The following KCND2 variants were observed in gnomAD, a reference collection of about 807,000 sequenced individuals.
The protein encoded by KCND2 is A-type voltage-gated potassium channel KCND2.
Under a neutral mutation model 54.4 loss-of-function variants are expected in KCND2, and 16 were observed. The ratio of observed to expected loss-of-function variants is 0.29; its 90% CI spans 0.20 to 0.45. The LOEUF is 0.45. Among genes scored for constraint, KCND2 ranks in the 20% least tolerant of loss-of-function variants. The pLI, the probability that KCND2 is intolerant of heterozygous loss-of-function variation, is 1.00. For missense variants in KCND2, 486 were observed against 824.2 expected, an observed-to-expected ratio of 0.59 and a Z score of 5.02; for synonymous variants, 317 against 310.7, an observed-to-expected ratio of 1.02 and a Z score of -0.21.
intron 1 of KCND2, among the ~76,000 whole-genome samples, chr7:120,456,743 C>T (rs966544983): frequency 2.0e-5 from 3 of 152,200 alleles, no homozygotes; most frequent in Admixed American, 1.3e-4. Context: ...CAAGATGTCA[C>T]TGGATCTACC....
intron 1 of KCND2, among the ~76,000 whole-genome samples, chr7:120,657,193 A>G (rs1001553998): frequency 1.3e-5 from 2 of 152,202 alleles, no homozygotes; most frequent in East Asian, 3.8e-4. Context: ...AGTTCCTTGC[A>G]TTCACACTGC....
At chr7:120,623,909 C>T (rs970985832) in intron 1 of KCND2, among the ~76,000 whole-genome samples, 11 of 151,956 alleles carry the variant, frequency 7.2e-5, no homozygotes, top group African/African-American at 2.7e-4. Context: ...ATGTTCAGGG[C>T]TTAATACAGC....
At chr7:120,281,307 C>G (rs1799257934) in intron 1 of KCND2, among the ~76,000 whole-genome samples, 1 of 151,658 alleles carries the variant, frequency 6.6e-6, no homozygotes, top group Admixed American at 6.6e-5. Context: ...GTTTTCTAAG[C>G]AGGGATACAC....
rs539100016 is a variant in KCND2, at chr7:120,488,147, A to G, written c.1115+212400A>G. Among the ~76,000 whole-genome samples the G allele has an allele frequency of 3.3e-5, 5 of 152,274 alleles. No individual in the cohort carries two copies. The South Asian group carries it at 8.3e-4, about 25-fold the overall frequency. ...GAGGTCGAGGCTGCAGTGAGCTGAG[A>G]TTGCACCACTGTACTCCAGCCTGGG... On this transcript the variant is annotated intron_variant, in intron 1 of 5. Transcript: ENST00000331113.
At chr7:120,529,676 A>G (rs1006748215) in intron 1 of KCND2, among the ~76,000 whole-genome samples, 24 of 152,214 alleles carry the variant, frequency 1.6e-4, no homozygotes, top group Admixed American at 1.5e-3. Context: ...ACTAAACAAA[A>G]TCCACAGCAG....
In KCND2 at chr7:120,629,466, A is replaced by T. The variant is rs373841321; in HGVS notation, c.1116-103437A>T. Among the ~76,000 whole-genome samples the T allele has an allele frequency of 6.6e-5, 10 of 152,212 alleles. No individual in the cohort carries two copies. In the South Asian group the frequency reaches 1.0e-3, roughly 16 times the overall value. On this transcript the variant is annotated intron_variant, in intron 1 of 5. Transcript: ENST00000331113. ...GTGCCACTGCACTCCATCCTGGGCGACAGAGCGAGACTCCGTCTCGGGGGT... is the reference window on the plus strand; with the variant it reads ...GTGCCACTGCACTCCATCCTGGGCGTCAGAGCGAGACTCCGTCTCGGGGGT...
chr7:120,418,149 C>T (rs1352745747), intron 1 of KCND2, among the ~76,000 whole-genome samples: 1 of 152,082 alleles, frequency 6.6e-6, no homozygotes, highest in Non-Finnish European at 1.5e-5. Flanking sequence ...CCATTTCATT[C>T]TAAATCCTAT....
At chr7:120,621,963 G>GT (rs1438508470) in intron 1 of KCND2, among the ~76,000 whole-genome samples, 4 of 151,536 alleles carry the variant, frequency 2.6e-5, no homozygotes, top group Non-Finnish European at 5.9e-5. Context: ...AAAAAAGAAG[G>GT]TTTTTTTGTT....
intron 1 of KCND2, among the ~76,000 whole-genome samples, chr7:120,700,690 A>G (rs1398913374): frequency 6.6e-6 from 1 of 152,228 alleles, no homozygotes; most frequent in African/African-American, 2.4e-5. Context: ...AAATGTTGAA[A>G]TCAATTCTTT....
intron 1 of KCND2, among the ~76,000 whole-genome samples, chr7:120,389,574 T>A (rs1276965364): frequency 2.0e-5 from 3 of 151,954 alleles, no homozygotes; most frequent in African/African-American, 7.2e-5. Context: ...CTTTCTATTC[T>A]GTTTCTATAT....
At chr7:120,382,905 C>T (rs187780051) in intron 1 of KCND2, among the ~76,000 whole-genome samples, 48 of 151,842 alleles carry the variant, frequency 3.2e-4, no homozygotes, top group African/African-American at 8.7e-4. Context: ...GTTCAGAGTT[C>T]GAAAATCAGC....
intron 1 of KCND2, among the ~76,000 whole-genome samples, chr7:120,634,687 T>TGAA (rs1793282386): frequency 6.6e-6 from 1 of 152,214 alleles, no homozygotes; most frequent in South Asian, 2.1e-4. Flanking sequence ...TATCCTCCAC[T>TGAA]GCACAGCCAA....
intron 1 of KCND2, among the ~76,000 whole-genome samples, chr7:120,419,452 T>C (rs536432159): frequency 6.6e-6 from 1 of 152,340 alleles, no homozygotes; most frequent in South Asian, 2.1e-4. Context: ...GTACTGGCAA[T>C]GTGTTACAAG....
chr7:120,747,676 A>T lies in KCND2; in HGVS notation c.1716-5A>T, dbSNP rs770387265. The T allele has an allele frequency of 1.9e-6, 3 of 1,608,688 alleles. No individual in the cohort carries two copies. The highest frequency in any genetic ancestry group is 1.7e-6 in the Non-Finnish European group (2 of 1,175,898). ...TACTTTCCTAAATATTTTTTTTTCTATCAGCCGATCCAGTTTAAATGCCAA... is the reference window on the plus strand; with the variant it reads ...TACTTTCCTAAATATTTTTTTTTCTTTCAGCCGATCCAGTTTAAATGCCAA... On this transcript the variant is annotated splice_polypyrimidine_tract_variant and splice_region_variant and intron_variant, in intron 5 of 5. Coordinates refer to ENST00000331113, the MANE Select transcript of KCND2 (RefSeq NM_012281.3).
At chr7:120,705,260 G>A (rs1328107581) in intron 1 of KCND2, among the ~76,000 whole-genome samples, 2 of 152,166 alleles carry the variant, frequency 1.3e-5, no homozygotes, top group Non-Finnish European at 2.9e-5. Context: ...ATGTAAACAC[G>A]AGTGGTTGAA....
At chr7:120,321,108 T>G (rs1799888250) in intron 1 of KCND2, among the ~76,000 whole-genome samples, 1 of 152,146 alleles carries the variant, frequency 6.6e-6, no homozygotes, top group South Asian at 2.1e-4. Flanking sequence ...TCAAGATATT[T>G]TTGTAGATTT....
At chr7:120,642,489 G>C (rs1793389056) in intron 1 of KCND2, among the ~76,000 whole-genome samples, 2 of 151,510 alleles carry the variant, frequency 1.3e-5, no homozygotes, top group African/African-American at 2.4e-5. Flanking sequence ...TTGAACCCGG[G>C]AGGTGGGGGT....
intron 1 of KCND2, among the ~76,000 whole-genome samples, chr7:120,717,279 A>G (rs150189579): frequency 0.01 from 1,570 of 152,254 alleles, 15 homozygotes; most frequent in Non-Finnish European, 0.016. Flanking sequence ...TCAGGAGCAG[A>G]CAATGTCAAT....
At chr7:120,579,380 G>A (rs1450077337) in intron 1 of KCND2, among the ~76,000 whole-genome samples, 2 of 151,830 alleles carry the variant, frequency 1.3e-5, no homozygotes, top group Non-Finnish European at 2.9e-5. Context: ...TGAGGTGGGT[G>A]GATCATGAGG....
Sources: allele counts gnomAD v4.1 joint callset (sites outside exome capture counted in the v4.1 genomes callset), GRCh38; gene constraint gnomAD v4.1.1; transcripts MANE v1.5; gene names NCBI Gene and HGNC (gene_info 2026-07-23, HGNC 2026-07-21).